The following MTMR11 variants were observed in gnomAD, a reference collection of about 807,000 sequenced individuals.
MTMR11 encodes the protein myotubularin-related protein 11.
In MTMR11, 89 loss-of-function variants were observed where a neutral mutation model predicts 100.0. The ratio of observed to expected loss-of-function variants is 0.89; its 90% CI spans 0.75 to 1.06. MTMR11 has a LOEUF of 1.06. Ranked by LOEUF, MTMR11 falls within the 50% of genes least tolerant of loss-of-function variation. The pLI is 0.00. For synonymous variants in MTMR11, 336 were observed against 326.3 expected (o/e 1.03, Z -0.32); for missense variants, 809 against 873.7 (o/e 0.93, Z 0.93).
At chr1:149,935,266 T>A in intron 4 of MTMR11, 33 bp downstream of exon 4, 2 of 1,609,084 alleles carry the variant, frequency 1.2e-6, no homozygotes, top group Non-Finnish European at 1.7e-6. Flanking sequence ...ACAACCCCAG[T>A]GAACCCCTTC....
chr1:149,936,602 T>C lies in MTMR11; in HGVS notation c.46A>G (p.Lys16Glu), dbSNP rs1231554421. Residue 16 changes from lysine (K) to glutamate (E), a missense_variant, in exon 1 of 17, where the codon AAG becomes GAG. Transcript: ENST00000439741. ...RGQSFNIAPQ[K>E]EEPEMGSVQE... ...CTTACCCCCATCTCTGGCTCCTCCT[T>C]CTGGGGGGCAATGTTGAAACTCTGG... 7.1e-6 allele frequency: 11 copies of C among 1,540,308 alleles called. No homozygotes were observed. Among genetic ancestry groups the C allele is most frequent in the Non-Finnish European group, 9.7e-6 (11 of 1,137,750 alleles).
intron 10 of MTMR11, among the ~76,000 whole-genome samples, chr1:149,932,674 G>A (rs953648606): frequency 6.6e-6 from 1 of 152,146 alleles, no homozygotes; most frequent in South Asian, 2.1e-4. Context: ...GGCCGGGCAC[G>A]ACGGCTTGTG....
rs190080806 is a variant in MTMR11 at position 149,931,001 on chromosome 1, G to A, written c.1291-36C>T. ...ATTAAGAGGTTGGAAGGGATTATTGGGACCCAAAGAGGGAGGATGACGAGA... is the reference window on the plus strand; with the variant it reads ...ATTAAGAGGTTGGAAGGGATTATTGAGACCCAAAGAGGGAGGATGACGAGA... On this transcript the variant is annotated intron_variant, in intron 13 of 16. Transcript: ENST00000439741. 16 of 1,551,386 alleles carry A rather than the reference G, an allele frequency of 1.0e-5. No homozygotes were observed. The Admixed American group carries it at 1.2e-4, about 12-fold the overall frequency.
rs2092686374 is a variant in MTMR11 at position 149,933,492 on chromosome 1, A to G, written c.899T>C (p.Val300Ala). Residue 300 changes from valine (V) to alanine (A), a missense_variant, in exon 10 of 17, where the codon GTT becomes GCT. By Grantham distance (64) the Val-to-Ala change is moderately conservative. Coordinates refer to ENST00000439741, the MANE Select transcript of MTMR11 (RefSeq NM_001145862.2). Reference sequence around the variant, plus strand: ...CTCATCCATAGTGTCTACCAGGACAACATCTGAATGCCCAGCCTGGAGCAT... The same window carrying G: ...CTCATCCATAGTGTCTACCAGGACAGCATCTGAATGCCCAGCCTGGAGCAT... ...ELMLQAGHSD[V>A]VLVDTMDELP... is the part of the protein sequence containing the mutation. The G allele has an allele frequency of 1.2e-6, 2 of 1,613,998 alleles. No homozygotes were observed. Among genetic ancestry groups the G allele is most frequent in the African/African-American group, 2.7e-5 (2 of 74,890 alleles).
At chr1:149,933,042 G>A (rs1553768045) in intron 10 of MTMR11, among the ~76,000 whole-genome samples, 1 of 151,342 alleles carries the variant, frequency 6.6e-6, no homozygotes, top group Admixed American at 6.6e-5. Context: ...CGCCTCCTGG[G>A]TTCAAGCGAT....
Position 149,934,532 on chromosome 1 carries a change from G to C in MTMR11, c.469-6C>G, listed in dbSNP as rs782321884. On this transcript the variant is annotated splice_polypyrimidine_tract_variant and splice_region_variant and intron_variant, in intron 5 of 16. Coordinates refer to ENST00000439741, the MANE Select transcript of MTMR11 (RefSeq NM_001145862.2). ...TGGACAATGGCCATGGTCACCTGCA[G>C]AGGAAAGGACATTCCATCCTTTTGG... 6.2e-7 allele frequency: 1 copy of C among 1,613,852 alleles called. No homozygotes were observed. Among genetic ancestry groups the C allele is most frequent in the Admixed American group, 1.7e-5 (1 of 60,020 alleles).
At chr1:149,933,562 C>T in intron 9 of MTMR11, 32 bp from the exon 10 acceptor site, 1 of 1,614,120 alleles carries the variant, frequency 6.2e-7, no homozygotes, top group Non-Finnish European at 8.5e-7. Context: ...AATAAGGAGT[C>T]TACCCTGAGC....
intron 6 of MTMR11, 50 bp downstream of exon 6, chr1:149,934,398 C>T: frequency 6.2e-7 from 1 of 1,613,530 alleles, no homozygotes; most frequent in Non-Finnish European, 8.5e-7. Flanking sequence ...TGTCATCAGC[C>T]ATCCTCTGCT....
intron 8 of MTMR11, 43 bp downstream of exon 8, chr1:149,933,812 T>C: frequency 1.2e-6 from 2 of 1,608,926 alleles, no homozygotes; most frequent in Non-Finnish European, 1.7e-6. Flanking sequence ...CTGGCCCACA[T>C]GACCCTCTAA....
At position 149,936,026 on chromosome 1, in the gene MTMR11, C is replaced by T. The variant is rs61807548; in HGVS notation, c.142+128G>A. ...CAGCTCTAGAGGCTGTCAGGGAGGA[C>T]AGCGAGCCTCAGGCAGACGTACTTC... On this transcript the variant is annotated intron_variant, in intron 2 of 16. Transcript: ENST00000439741. The T allele has an allele frequency of 6.1e-3, 6,240 of 1,022,586 alleles. 40 individuals are homozygous for T. Among genetic ancestry groups the T allele is most frequent in the South Asian group, 0.016 (1,137 of 72,036 alleles). The allele number at this position is 1,022,586 out of a possible 1,614,324, so 63.3% of individuals were successfully genotyped here.
rs370521994 is a variant in MTMR11, at chr1:149,933,512, G to C, written c.879C>G (p.Leu293=). The C allele has an allele frequency of 1.2e-6, 2 of 1,614,110 alleles. No individual in the cohort carries two copies. The highest frequency in any genetic ancestry group is 8.5e-7 in the Non-Finnish European group (1 of 1,179,978). The part of the protein sequence containing the change: ...KEDIRAVELM[L]QAGHSDVVLV... ...GGACAACATCTGAATGCCCAGCCTG[G>C]AGCATCAACTCCACTGCTCTGGAGG... is the stretch of plus-strand genomic sequence containing the variant. Residue 293 remains leucine, a synonymous_variant, in exon 10 of 17, where the codon CTC becomes CTG. Transcript: ENST00000439741.
chr1:149,931,116 G>A (rs1321994397), intron 13 of MTMR11, 144 bp downstream of exon 13: 1 of 1,353,316 alleles, frequency 7.4e-7, no homozygotes, highest in Non-Finnish European at 1.0e-6. Flanking sequence ...GGGCTTGTAA[G>A]GCCTCACTCA....
intron 2 of MTMR11, among the ~76,000 whole-genome samples, 200 bp from the exon 3 acceptor site, chr1:149,935,905 C>T (rs2092715508): frequency 6.6e-6 from 1 of 152,156 alleles, no homozygotes; most frequent in Non-Finnish European, 1.5e-5. Context: ...CAAGGCCTGG[C>T]ACATAGCAGG....
At position 149,931,252 on chromosome 1, in the gene MTMR11, A is replaced by T. The variant is rs1559804823; in HGVS notation, c.1290+8T>A. ...TATGCCCCCGATGCCATCCCGAATC[A>T]TTCTCACCTCTTCACTGGCCCCAGT... On this transcript the variant is annotated splice_region_variant and intron_variant, in intron 13 of 16. Transcript: ENST00000439741. 3.1e-6 allele frequency: 5 copies of T among 1,614,036 alleles called. No individual in the cohort carries two copies. The highest frequency in any genetic ancestry group is 3.3e-4 in the Middle Eastern group (2 of 6,058).
chr1:149,934,610 C>G, intron 5 of MTMR11, 84 bp from the exon 6 acceptor site: 2 of 1,364,324 alleles, frequency 1.5e-6, no homozygotes, highest in Non-Finnish European at 1.0e-6. Flanking sequence ...TTGCTCCACT[C>G]TCTTTGCCAA....
Position 149,929,607 on chromosome 1 carries a change from T to A in MTMR11, c.1941+16A>T, listed in dbSNP as rs899991378. 3 of 1,601,608 alleles carry A rather than the reference T, an allele frequency of 1.9e-6. No homozygotes were observed. In the African/African-American group the frequency reaches 4.0e-5, roughly 22 times the overall value. On this transcript the variant is annotated intron_variant, in intron 16 of 16. Coordinates refer to ENST00000439741, the MANE Select transcript of MTMR11 (RefSeq NM_001145862.2). ...CAAGTCCCTTGTCCCACTCCCAGTC[T>A]ATTTTCCCTTCTTACCTGGACCTCA...
chr1:149,933,325 C>T lies in MTMR11; in HGVS notation c.985+81G>A. ...ATTGGACTAAAGAGCTACTCATCTACAGCAAGCAAAGGGTAAACCAGGTTA... is the reference window on the plus strand; with the variant it reads ...ATTGGACTAAAGAGCTACTCATCTATAGCAAGCAAAGGGTAAACCAGGTTA... On this transcript the variant is annotated intron_variant, in intron 10 of 16. Coordinates refer to ENST00000439741, the MANE Select transcript of MTMR11 (RefSeq NM_001145862.2). 1.2e-5 allele frequency: 18 copies of T among 1,554,016 alleles called. No individual in the cohort carries two copies. The South Asian group carries it at 1.7e-4, about 15-fold the overall frequency.
In MTMR11 at chr1:149,930,350, G is replaced by T. The variant is rs200276557; in HGVS notation, c.1647+15C>A. 254 of 1,608,134 alleles carry T rather than the reference G, an allele frequency of 1.6e-4. 1 individual carries two copies. Among genetic ancestry groups the T allele is most frequent in the Admixed American group, 6.7e-5 (4 of 59,510 alleles). Reference sequence around the variant, plus strand: ...TGGGAACGTCAAGGGAATTTAGGAAGTTTAGACACTTCACCTGTGGTCTAG... The same window carrying T: ...TGGGAACGTCAAGGGAATTTAGGAATTTTAGACACTTCACCTGTGGTCTAG... On this transcript the variant is annotated intron_variant, in intron 15 of 16. Transcript: ENST00000439741.
At chr1:149,933,343 C>A in intron 10 of MTMR11, 63 bp downstream of exon 10, 2 of 1,591,046 alleles carry the variant, frequency 1.3e-6, no homozygotes, top group Non-Finnish European at 8.6e-7. Flanking sequence ...AAAGGGTAAA[C>A]CAGGTTAGGC....
Sources: allele counts gnomAD v4.1 joint callset (sites outside exome capture counted in the v4.1 genomes callset), GRCh38; gene constraint gnomAD v4.1.1; transcripts MANE v1.5; gene names NCBI Gene and HGNC (gene_info 2026-07-23, HGNC 2026-07-21).